Variants in ATP10B observed in about 807,000 individuals in gnomAD.
ATP10B encodes phospholipid-transporting ATPase VB.
In ATP10B, 122 loss-of-function variants were observed where a neutral mutation model predicts 141.2. The observed-to-expected ratio is 0.86, with a 90% CI of 0.75 to 1.00. The LOEUF (loss-of-function observed/expected upper bound fraction) is 1.00. ATP10B is among the 50% of genes least tolerant of loss of function. The pLI, the probability that ATP10B is intolerant of heterozygous loss-of-function variation, is 0.00. For synonymous variants in ATP10B, 685 were observed against 692.0 expected (o/e 0.99, Z 0.16); for missense variants, 1,876 against 1,825.3 (o/e 1.03, Z -0.51).
At chr5:160,670,761 T>G in intron 6 of ATP10B, 94 bp from the exon 7 acceptor site, 1 of 1,104,844 alleles carries the variant, frequency 9.1e-7, no homozygotes, top group South Asian at 1.4e-5. Context: ...CACCTAACTA[T>G]CCACCAAGTC....
At chr5:160,918,924 A>T in the ATP10B span, among the ~76,000 whole-genome samples, 1 of 152,284 alleles carries the variant, frequency 6.6e-6, no homozygotes, top group South Asian at 2.1e-4. Flanking sequence ...ACTATGAGGG[A>T]CAGTACAAAG....
intron 2 of ATP10B, among the ~76,000 whole-genome samples, chr5:160,751,163 G>A (rs753756747): frequency 3.3e-5 from 5 of 152,214 alleles, no homozygotes; most frequent in Admixed American, 6.5e-5. Flanking sequence ...CAGGCCTGAA[G>A]TGGACACTCA....
chr5:160,642,113 G>C (rs993101467), intron 9 of ATP10B, among the ~76,000 whole-genome samples: 2 of 152,232 alleles, frequency 1.3e-5, no homozygotes, highest in African/African-American at 4.8e-5. Context: ...GTGGGCTCTA[G>C]AGTCGGAGCT....
chr5:160,655,873 T>C (rs1761459755), intron 7 of ATP10B, among the ~76,000 whole-genome samples: 1 of 152,112 alleles, frequency 6.6e-6, no homozygotes, highest in South Asian at 2.1e-4. Context: ...ATTGCAGCCA[T>C]AAGACAACTC....
chr5:160,851,291 A>G (rs1753793997), intron 1 of ATP10B, among the ~76,000 whole-genome samples: 1 of 152,182 alleles, frequency 6.6e-6, no homozygotes, highest in Non-Finnish European at 1.5e-5. Flanking sequence ...AGGGTTAGGG[A>G]TAGTGTCACT....
chr5:160,792,726 C>T (rs547892518), intron 1 of ATP10B, among the ~76,000 whole-genome samples: 1 of 152,312 alleles, frequency 6.6e-6, no homozygotes, highest in East Asian at 1.9e-4. Context: ...CACACTCTCT[C>T]TTCTAAGCTG....
At chr5:160,772,840 T>C (rs1040147829) in intron 2 of ATP10B, among the ~76,000 whole-genome samples, 1 of 152,218 alleles carries the variant, frequency 6.6e-6, no homozygotes, top group African/African-American at 2.4e-5. Flanking sequence ...GATTCCCAGA[T>C]ATCTCTGGGT....
At chr5:160,917,553 T>C in the ATP10B span, among the ~76,000 whole-genome samples, 1 of 151,912 alleles carries the variant, frequency 6.6e-6, no homozygotes, top group Non-Finnish European at 1.5e-5. Context: ...CAGCTACAAG[T>C]GGTGGGATTA....
chr5:160,882,834 C>T, the ATP10B span, among the ~76,000 whole-genome samples: 2 of 152,080 alleles, frequency 1.3e-5, no homozygotes, highest in Non-Finnish European at 2.9e-5. Context: ...TCACACAACA[C>T]AACTAAGCCA....
the ATP10B span, among the ~76,000 whole-genome samples, chr5:160,922,732 T>A: frequency 7.2e-5 from 11 of 152,138 alleles, no homozygotes; most frequent in African/African-American, 2.7e-4. Flanking sequence ...AGTGAATATA[T>A]CTTTGAGCAG....
At chr5:160,637,013 C>CATCT (rs1561678784) in intron 10 of ATP10B, among the ~76,000 whole-genome samples, 1 of 75,706 alleles carries the variant, frequency 1.3e-5, no homozygotes, top group African/African-American at 6.1e-5. Context: ...TCAATCCATC[C>CATCT]ATCTATCCAT....
intron 1 of ATP10B, among the ~76,000 whole-genome samples, chr5:160,822,987 TACATATATATATAC>T (rs1454025129): frequency 5.6e-4 from 48 of 85,024 alleles, no homozygotes; most frequent in East Asian, 2.9e-3. Flanking sequence ...AAATTACATA[TACATATATATATAC>T]ATATATATAT....
At chr5:160,816,359 G>A (rs1299630691) in intron 1 of ATP10B, among the ~76,000 whole-genome samples, 4 of 152,042 alleles carry the variant, frequency 2.6e-5, no homozygotes, top group South Asian at 2.1e-4. Context: ...TACCATCAGA[G>A]AATACTAGAA....
At chr5:160,846,454 C>A (rs1268849122) in intron 1 of ATP10B, among the ~76,000 whole-genome samples, 1 of 152,088 alleles carries the variant, frequency 6.6e-6, no homozygotes, top group Non-Finnish European at 1.5e-5. Context: ...TGGAAAAGAC[C>A]AATCCCATTA....
rs780851806 is a variant in ATP10B, at chr5:160,615,955, C to T, written c.2536G>A (p.Glu846Lys). 1.5e-5 allele frequency: 25 copies of T among 1,613,304 alleles called. No individual in the cohort carries two copies. The highest frequency in any genetic ancestry group is 1.1e-4 in the South Asian group (10 of 91,026). The change falls in exon 17 of 26, where the codon GAA (glutamate) becomes AAA (lysine). Residue 846 changes from glutamate to lysine, a missense_variant. Coordinates refer to ENST00000327245, the MANE Select transcript of ATP10B (RefSeq NM_025153.3). ...CTGGCCCATCTCCGGAAGTCCTCTT[C>T]GCTTACAACCTATGGGATGGGAAAA... The part of the protein sequence containing the change: ...TLCIAKKVVS[E>K]EDFRRWASFR...
chr5:160,650,682 G>T (rs1487367263), intron 7 of ATP10B, among the ~76,000 whole-genome samples: 1 of 152,190 alleles, frequency 6.6e-6, no homozygotes, highest in Non-Finnish European at 1.5e-5. Context: ...CCAGACCTTA[G>T]TTATAGATTA....
At position 160,598,988 on chromosome 5, in the gene ATP10B, GGCC is replaced by G; in HGVS notation, c.3364-21_3364-19del. ...ACGTAGCACTGCAGGCAGAGAGCAT[GGCC>G]TTGTGAGTGGGGCTCCATGTGCAGC... On this transcript the variant is annotated intron_variant, in intron 21 of 25. Coordinates refer to ENST00000327245, the MANE Select transcript of ATP10B (RefSeq NM_025153.3). 5.6e-6 allele frequency: 9 copies of G among 1,612,408 alleles called. No individual in the cohort carries two copies. The highest frequency in any genetic ancestry group is 6.8e-6 in the Non-Finnish European group (8 of 1,179,052).
chr5:160,730,855 C>T (rs1031903747), intron 2 of ATP10B, among the ~76,000 whole-genome samples: 1 of 152,104 alleles, frequency 6.6e-6, no homozygotes, highest in Admixed American at 6.5e-5. Context: ...TCTCTCCAGA[C>T]CCAGAGTTGG....
At position 160,565,796 on chromosome 5, in the gene ATP10B, C is replaced by T. The variant is rs1754500933; in HGVS notation, c.4043G>A (p.Ser1348Asn). The change falls in exon 26 of 26, where the codon AGT (serine) becomes AAT (asparagine). Residue 1348 changes from serine (S) to asparagine (N), a missense_variant. By Grantham distance (46) the Ser-to-Asn change is conservative. Coordinates refer to ENST00000327245, the MANE Select transcript of ATP10B (RefSeq NM_025153.3). ...GGCAGGCCTCTGTCTGCTTCTCCAA[C>T]TCTGGATTTCCAGGTTTCTTTTGTC... Reference protein sequence around the residue: ...PPDKRNLEIQSWRSRQRPAPV... With the variant: ...PPDKRNLEIQNWRSRQRPAPV... The T allele has an allele frequency of 6.2e-7, 1 of 1,614,012 alleles. No homozygotes were observed. The highest frequency in any genetic ancestry group is 1.3e-5 in the African/African-American group (1 of 74,932).
Sources: allele counts gnomAD v4.1 joint callset (sites outside exome capture counted in the v4.1 genomes callset), GRCh38; gene constraint gnomAD v4.1.1; transcripts MANE v1.5; gene names NCBI Gene and HGNC (gene_info 2026-07-23, HGNC 2026-07-21).